Variants in KLHL12 observed in about 807,000 individuals in gnomAD.
KLHL12 encodes the protein kelch like family member 12.
Under a neutral mutation model 60.8 loss-of-function variants are expected in KLHL12, and 17 were observed. That is an observed-to-expected ratio of 0.28 (90% CI 0.19 to 0.42). The LOEUF is 0.42. KLHL12 is among the 10% of genes least tolerant of loss of function. KLHL12 has a pLI of 1.00. For missense variants in KLHL12, 468 were observed against 722.3 expected, an observed-to-expected ratio of 0.65 and a Z score of 4.04; for synonymous variants, 220 against 250.9, an observed-to-expected ratio of 0.88 and a Z score of 1.16.
At chr1:202,924,916 G>T in intron 2 of KLHL12, 52 bp downstream of exon 2, 1 of 1,567,336 alleles carries the variant, frequency 6.4e-7, no homozygotes, top group South Asian at 1.2e-5. Flanking sequence ...AGTGAAATTA[G>T]ACAACTAGAG....
chr1:202,897,754 G>A (rs1300419459), intron 6 of KLHL12, among the ~76,000 whole-genome samples: 1 of 151,694 alleles, frequency 6.6e-6, no homozygotes, highest in Non-Finnish European at 1.5e-5. Flanking sequence ...TTTCTGAATT[G>A]AGAAAGGGTC....
chr1:202,925,061 A>T lies in KLHL12; in HGVS notation c.102T>A (p.Asp34Glu), dbSNP rs770201887. 1 of 1,614,194 alleles carries T rather than the reference A, an allele frequency of 6.2e-7. No individual in the cohort carries two copies. The highest frequency in any genetic ancestry group is 8.5e-7 in the Non-Finnish European group (1 of 1,180,030). Residue 34 changes from aspartate (D) to glutamate (E), a missense_variant, in exon 2 of 12, where the codon GAT (aspartate) becomes GAA (glutamate). Asp to Glu is a conservative substitution (Grantham distance 45). Transcript: ENST00000367261. ...CTTTCTGCTCTACTCTCAATGTCAC[A>T]TCACAGAGGGTATTGCTCTTCCTGA... is the stretch of plus-strand genomic sequence containing the variant. ...NSLRKSNTLCDVTLRVEQKDF... is the reference protein window; with the variant it reads ...NSLRKSNTLCEVTLRVEQKDF...
At chr1:202,926,577 T>A (rs906987512) in intron 1 of KLHL12, among the ~76,000 whole-genome samples, 6 of 152,230 alleles carry the variant, frequency 3.9e-5, no homozygotes, top group Non-Finnish European at 8.8e-5. Flanking sequence ...AATGTCCATT[T>A]ACTATGAAGA....
At chr1:202,908,968 A>G (rs758259893) in intron 6 of KLHL12, 42 bp downstream of exon 6, 12 of 1,203,056 alleles carry the variant, frequency 1.0e-5, no homozygotes, top group Non-Finnish European at 1.5e-5. Flanking sequence ...TGCAAGAAGT[A>G]GTTGAAAAGC....
Position 202,916,116 on chromosome 1 carries a change from C to T in KLHL12, c.567+2055G>A, listed in dbSNP as rs145763155. On this transcript the variant is annotated intron_variant, in intron 4 of 11. Coordinates refer to ENST00000367261, the MANE Select transcript of KLHL12 (RefSeq NM_021633.4). ...TGAATATGTTTTTTGGCTATGCCTG[C>T]CACTTCAGCACAAGGATACAATGTC... 3.6e-3 allele frequency among the ~76,000 whole-genome samples: 544 copies of T among 152,320 alleles called. No homozygotes were observed. The Middle Eastern group carries it at 0.037, about 10-fold the overall frequency.
In KLHL12 at chr1:202,926,476, G is replaced by C. The variant is rs534835300; in HGVS notation, c.-46+613C>G. Among the ~76,000 whole-genome samples the C allele has an allele frequency of 8.5e-5, 13 of 152,266 alleles. No individual in the cohort carries two copies. The South Asian group carries it at 2.7e-3, about 32-fold the overall frequency. On this transcript the variant is annotated intron_variant, in intron 1 of 11. Transcript: ENST00000367261. ...ACAACTCTGCAAGACCCATTTTACA[G>C]AAAAGCGGGTGATTCATCAAAGCAT...
chr1:202,911,764 G>A, intron 4 of KLHL12: 1 of 665,058 alleles, frequency 1.5e-6, no homozygotes, highest in Non-Finnish European at 2.7e-6. Flanking sequence ...TTCTGCCTGT[G>A]GACGCCGCCG....
intron 4 of KLHL12, among the ~76,000 whole-genome samples, chr1:202,911,419 A>AT (rs36141808): frequency 0.5 from 75,842 of 150,722 alleles, 20,138 homozygotes; most frequent in Non-Finnish European, 0.6. Context: ...TTAAAAAAAA[A>AT]ATATATATAT....
chr1:202,912,696 A>G (rs1438529080), intron 4 of KLHL12: 7 of 1,346,294 alleles, frequency 5.2e-6, no homozygotes, highest in Non-Finnish European at 7.3e-6. Context: ...TGGTTTCAGT[A>G]GCAGCAGTAG....
intron 6 of KLHL12, among the ~76,000 whole-genome samples, chr1:202,904,268 C>T (rs949999888): frequency 2.6e-5 from 4 of 151,966 alleles, no homozygotes; most frequent in Admixed American, 2.0e-4. Flanking sequence ...CCTCCCAAAG[C>T]GCTGGGATTA....
chr1:202,895,660 C>A lies in KLHL12; in HGVS notation c.997G>T (p.Val333Phe), dbSNP rs755872768. The change falls in exon 8 of 12, where the codon GTC becomes TTC. Residue 333 changes from valine to phenylalanine, a missense_variant. By Grantham distance (50) the Val-to-Phe change is conservative. Transcript: ENST00000367261. The surrounding 1 kb of genome is among the most constrained non-coding windows in gnomAD (Gnocchi z 4.2). The part of the protein sequence containing the change: ...ASVSLHDRIY[V>F]IGGYDGRSRL... ...GAACGGCCATCATAGCCACCAATGA[C>A]GTAGATCCGGTCATGAAGGGACACT... The A allele has an allele frequency of 1.2e-6, 2 of 1,613,998 alleles. No individual in the cohort carries two copies.
chr1:202,902,732 G>C (rs550208116), intron 6 of KLHL12, among the ~76,000 whole-genome samples: 2 of 152,212 alleles, frequency 1.3e-5, no homozygotes, highest in South Asian at 4.2e-4. Context: ...GCTCACACCT[G>C]TAACCCTAGC....
At chr1:202,923,370 G>A (rs1660755902) in intron 2 of KLHL12, among the ~76,000 whole-genome samples, 1 of 152,158 alleles carries the variant, frequency 6.6e-6, no homozygotes, top group African/African-American at 2.4e-5. Flanking sequence ...TATATCTCAT[G>A]GAGAACAGTA....
intron 4 of KLHL12, among the ~76,000 whole-genome samples, chr1:202,916,955 AGAGT>A (rs1660539554): frequency 6.7e-6 from 1 of 149,328 alleles, no homozygotes; most frequent in African/African-American, 2.5e-5. Context: ...CCTGGGTGAC[AGAGT>A]GAGACCATCT....
At position 202,893,119 on chromosome 1, in the gene KLHL12, G is replaced by A. The variant is rs769487910; in HGVS notation, c.1580+120C>T. 2.2e-4 allele frequency: 155 copies of A among 707,346 alleles called. No individual in the cohort carries two copies. Among genetic ancestry groups the A allele is most frequent in the Non-Finnish European group, 3.4e-4 (147 of 430,594 alleles). 43.8% of individuals were successfully genotyped at this position (707,346 alleles called of 1,614,324 possible). ...AAAAAAATCTAATAAAAAAAATCAA[G>A]TTGCCACTGGAGATGTCTACCCCTA... On this transcript the variant is annotated intron_variant, in intron 11 of 11. Coordinates refer to ENST00000367261, the MANE Select transcript of KLHL12 (RefSeq NM_021633.4). The surrounding 1 kb of genome is among the most constrained non-coding windows in gnomAD (Gnocchi z 4.1).
upstream of KLHL12, among the ~76,000 whole-genome samples, chr1:202,928,061 C>A (rs1388869739): frequency 6.7e-6 from 1 of 150,174 alleles, no homozygotes; most frequent in Middle Eastern, 3.2e-3. Context: ...GGGTGGATCA[C>A]GAGGTCAGGA....
At chr1:202,912,412 G>T (rs1363366215) in intron 4 of KLHL12, 7 of 818,828 alleles carry the variant, frequency 8.5e-6, no homozygotes, top group Non-Finnish European at 1.5e-5. Flanking sequence ...AGTGGTTCTG[G>T]AAACTTTGGT....
At chr1:202,922,759 T>A (rs1476328000) in intron 2 of KLHL12, among the ~76,000 whole-genome samples, 2 of 152,030 alleles carry the variant, frequency 1.3e-5, no homozygotes, top group Non-Finnish European at 2.9e-5. Flanking sequence ...GTGCTGGGAT[T>A]ACAGGCGTGA....
rs1659800486 is a variant in KLHL12, at chr1:202,895,363, C to T, written c.1135+159G>A. Among the ~76,000 whole-genome samples the T allele has an allele frequency of 6.6e-6, 1 of 152,170 alleles. No homozygotes were observed. Among genetic ancestry groups the T allele is most frequent in the Non-Finnish European group, 1.5e-5 (1 of 68,028 alleles). On this transcript the variant is annotated intron_variant, in intron 8 of 11. Coordinates refer to ENST00000367261, the MANE Select transcript of KLHL12 (RefSeq NM_021633.4). The surrounding 1 kb of genome is among the most constrained non-coding windows in gnomAD (Gnocchi z 4.2). ...GAGCCGTGATCACACCACTGCACTCCAGCCTGGGCAACAGAGAGAGACCCT... is the reference window on the plus strand; with the variant it reads ...GAGCCGTGATCACACCACTGCACTCTAGCCTGGGCAACAGAGAGAGACCCT...
Sources: allele counts gnomAD v4.1 joint callset (sites outside exome capture counted in the v4.1 genomes callset), GRCh38; gene constraint gnomAD v4.1.1; non-coding constraint Gnocchi (gnomAD v3.1); transcripts MANE v1.5; gene names NCBI Gene and HGNC (gene_info 2026-07-23, HGNC 2026-07-21).